The following COG3 variants were observed in gnomAD, a reference collection of about 807,000 sequenced individuals.
COG3 encodes conserved oligomeric Golgi complex subunit 3.
A neutral mutation model predicts 114.1 loss-of-function variants in COG3; 32 were observed. The observed-to-expected ratio is 0.28, with a 90% confidence interval of 0.21 to 0.38. The LOEUF is 0.38. Ranked by LOEUF, COG3 falls within the 10% of genes least tolerant of loss-of-function variation. The pLI is 1.00. For synonymous variants in COG3, 352 were observed against 365.7 expected (o/e 0.96, Z 0.43); for missense variants, 813 against 973.2 (o/e 0.84, Z 2.19).
intron 2 of COG3, 26 bp from the exon 3 acceptor site, chr13:45,478,979 C>T: frequency 6.4e-7 from 1 of 1,572,512 alleles, no homozygotes; most frequent in Non-Finnish European, 8.7e-7. Flanking sequence ...TAGTTTTGTT[C>T]ACAATATAAT....
intron 15 of COG3, 29 bp from the exon 16 acceptor site, chr13:45,511,736 A>G (rs1013646665): frequency 6.4e-7 from 1 of 1,563,954 alleles, no homozygotes; most frequent in Non-Finnish European, 8.8e-7. Flanking sequence ...CAAATGCCAC[A>G]GGCTGATTAT....
At chr13:45,504,365 A>G (rs778084636) in intron 14 of COG3, among the ~76,000 whole-genome samples, 19 of 152,162 alleles carry the variant, frequency 1.2e-4, no homozygotes, top group Non-Finnish European at 1.3e-4. Context: ...AACCCATACC[A>G]TGTCCTAGTA....
At chr13:45,483,439 A>AT in intron 7 of COG3, 84 bp downstream of exon 7, 1 of 1,188,158 alleles carries the variant, frequency 8.4e-7, no homozygotes, top group Middle Eastern at 2.4e-4. Context: ...GGCTGAGATT[A>AT]GTACTTTGTA....
At chr13:45,501,107 G>C (rs1266996430) in intron 13 of COG3, among the ~76,000 whole-genome samples, 3 of 152,210 alleles carry the variant, frequency 2.0e-5, no homozygotes, top group Admixed American at 2.0e-4. Context: ...GGCTGAAGTA[G>C]TGTTGTCAGG....
chr13:45,485,457 C>T (rs1179163147), intron 7 of COG3, among the ~76,000 whole-genome samples: 8 of 324 alleles, frequency 0.025, 1 homozygote, highest in African/African-American at 0.096. Context: ...CGGGCGGAGA[C>T]GCTCCTCACT....
At chr13:45,497,848 C>A (rs979584419) in intron 13 of COG3, among the ~76,000 whole-genome samples, 5 of 150,814 alleles carry the variant, frequency 3.3e-5, no homozygotes, top group Admixed American at 3.3e-4. Context: ...CTAAGCAGGA[C>A]GGAATATAAC....
intron 19 of COG3, among the ~76,000 whole-genome samples, chr13:45,519,683 A>G (rs1871906251): frequency 2.0e-5 from 3 of 152,124 alleles, no homozygotes; most frequent in Admixed American, 2.0e-4. Flanking sequence ...TTTTTTCCTC[A>G]TCAACAGTAT....
At position 45,478,749 on chromosome 13, in the gene COG3, A is replaced by G. The variant is rs560048759; in HGVS notation, c.322-256A>G. ...GGTGATCCGCCCACCTCGGCCTCCC[A>G]AAGTGCTGGGATTACAGGTGTGAGC... On this transcript the variant is annotated intron_variant, in intron 2 of 22. Transcript: ENST00000349995. Among the ~76,000 whole-genome samples the G allele has an allele frequency of 4.7e-4, 71 of 152,344 alleles. No individual in the cohort carries two copies. In the South Asian group the frequency reaches 0.015, roughly 32 times the overall value.
At chr13:45,470,000 G>A (rs1388658555) in intron 1 of COG3, among the ~76,000 whole-genome samples, 1 of 152,180 alleles carries the variant, frequency 6.6e-6, no homozygotes, top group Admixed American at 6.5e-5. Context: ...GCAGGGGAGA[G>A]GGAAGAAGGG....
At chr13:45,510,938 A>C (rs1593730720) in intron 15 of COG3, among the ~76,000 whole-genome samples, 1 of 152,218 alleles carries the variant, frequency 6.6e-6, no homozygotes, top group Non-Finnish European at 1.5e-5. Context: ...ACCACAGAAC[A>C]GGGAGAAGCA....
intron 11 of COG3, 143 bp from the exon 12 acceptor site, chr13:45,493,204 T>C: frequency 3.3e-6 from 2 of 604,526 alleles, no homozygotes; most frequent in South Asian, 2.9e-5. Flanking sequence ...TTTTCCCTTA[T>C]CATTCTATAA....
intron 7 of COG3, among the ~76,000 whole-genome samples, chr13:45,485,366 C>T (rs1357951541): frequency 6.4e-4 from 3 of 4,654 alleles, no homozygotes; most frequent in East Asian, 7.0e-3. Flanking sequence ...CGGGCAGAGG[C>T]GCCCCTCACC....
At chr13:45,488,490 A>C (rs1011324075) in intron 8 of COG3, among the ~76,000 whole-genome samples, 1 of 152,210 alleles carries the variant, frequency 6.6e-6, no homozygotes, top group Non-Finnish European at 1.5e-5. Context: ...GTACCCCATA[A>C]ATATGTACAA....
chr13:45,531,010 A>G (rs1312686604), intron 22 of COG3: 9 of 1,169,230 alleles, frequency 7.7e-6, no homozygotes, highest in Non-Finnish European at 9.6e-6. Flanking sequence ...ATCCTTTCTG[A>G]TATGAATATT....
At chr13:45,490,583 A>G (rs973530273) in intron 8 of COG3, among the ~76,000 whole-genome samples, 4 of 152,136 alleles carry the variant, frequency 2.6e-5, no homozygotes, top group Non-Finnish European at 5.9e-5. Flanking sequence ...AAGGCCTTCT[A>G]TACATTTTTA....
chr13:45,478,784 C>G (rs577807032), intron 2 of COG3, among the ~76,000 whole-genome samples: 1 of 152,208 alleles, frequency 6.6e-6, no homozygotes, highest in Admixed American at 6.5e-5. Flanking sequence ...CCACCACACC[C>G]GGTGAAATGG....
intron 1 of COG3, among the ~76,000 whole-genome samples, chr13:45,471,836 G>A (rs1055315819): frequency 1.3e-4 from 20 of 151,802 alleles, no homozygotes; most frequent in African/African-American, 4.8e-5. Context: ...AGGTTCAAGC[G>A]ACTCTCCTGC....
chr13:45,467,004 G>T (rs999177619), intron 1 of COG3, among the ~76,000 whole-genome samples: 1 of 152,154 alleles, frequency 6.6e-6, no homozygotes, highest in Non-Finnish European at 1.5e-5. Flanking sequence ...AACAAAGAAG[G>T]TATGTTCAGA....
intron 12 of COG3, among the ~76,000 whole-genome samples, chr13:45,494,325 T>TAA (rs756763419): frequency 2.3e-4 from 27 of 117,034 alleles, no homozygotes; most frequent in Admixed American, 4.4e-4. Context: ...GACTCTGTCT[T>TAA]AAAAAAAAAA....
Sources: gnomAD v4.1 joint callset for allele counts (sites outside exome capture counted in the v4.1 genomes callset) on GRCh38, gnomAD v4.1.1 for gene constraint, MANE v1.5 for transcripts, NCBI Gene and HGNC (gene_info 2026-07-23, HGNC 2026-07-21) for gene names.